ZMIZ1: variants seen among roughly 807,000 people sequenced by gnomAD.
ZMIZ1 encodes the protein zinc finger MIZ-type containing 1, also known as zinc finger MIZ domain-containing protein 1.
A neutral mutation model predicts 113.9 loss-of-function variants in ZMIZ1; 17 were observed. The observed-to-expected ratio is 0.15, with a 90% CI of 0.10 to 0.22. ZMIZ1 has a LOEUF of 0.22. Ranked by LOEUF, ZMIZ1 falls within the 10% of genes least tolerant of loss-of-function variation. ZMIZ1 has a pLI of 1.00. For missense variants in ZMIZ1, 1,059 were observed against 1,477.8 expected (o/e 0.72, Z 4.65); for synonymous variants, 607 against 603.1 (o/e 1.01, Z -0.09).
chr10:79,209,669 T>A (rs967942962), intron 6 of ZMIZ1, among the ~76,000 whole-genome samples: 10 of 152,232 alleles, frequency 6.6e-5, no homozygotes, highest in Non-Finnish European at 1.5e-4. Context: ...GCAACACGGC[T>A]ATCGTGACAA....
In ZMIZ1 at chr10:79,303,162, C is replaced by T. The variant is rs1268367539; in HGVS notation, c.2126-853C>T. 2.7e-5 allele frequency among the ~76,000 whole-genome samples: 4 copies of T among 150,370 alleles called. No homozygotes were observed. In the East Asian group the frequency reaches 6.3e-4, roughly 24 times the overall value. Reference sequence around the variant, plus strand: ...GGCGCGAGCCACCACACCTGGCCAGCTTATGCTTAAACTCAGGAGAGGACT... The same window carrying T: ...GGCGCGAGCCACCACACCTGGCCAGTTTATGCTTAAACTCAGGAGAGGACT... On this transcript the variant is annotated intron_variant, in intron 18 of 24. Coordinates refer to ENST00000334512, the MANE Select transcript of ZMIZ1 (RefSeq NM_020338.4).
intron 7 of ZMIZ1, 62 bp from the exon 8 acceptor site, chr10:79,277,119 G>C (rs191772178): frequency 2.8e-6 from 4 of 1,447,346 alleles, no homozygotes; most frequent in East Asian, 2.7e-5. Context: ...AGTTGGGGGG[G>C]GGTCTTGGTG....
chr10:79,296,617 C>T lies in ZMIZ1; in HGVS notation c.1377C>T (p.Tyr459=), dbSNP rs763938603. ...CCAGCCAGCCGAGCTCCGGGCAGTA[C>T]CCGCCCCCCACGGTCAACATGGGGC... ...RMPSQPSSGQ[Y]PPPTVNMGQY... The change falls in exon 13 of 25, where the codon TAC becomes TAT. Residue 459 remains tyrosine, a synonymous_variant. Coordinates refer to ENST00000334512, the MANE Select transcript of ZMIZ1 (RefSeq NM_020338.4). This position sits in a 1 kb window ranked among gnomAD's most constrained non-coding sequence, Gnocchi z 4.1. 3.8e-5 allele frequency: 61 copies of T among 1,597,384 alleles called. No homozygotes were observed. Among genetic ancestry groups the T allele is most frequent in the Non-Finnish European group, 1.3e-5 (15 of 1,170,994 alleles).
intron 7 of ZMIZ1, chr10:79,243,664 C>A: frequency 3.3e-6 from 1 of 300,872 alleles, no homozygotes; most frequent in Admixed American, 5.0e-5. Context: ...CGGAGTCGCT[C>A]GCCGCGGCCG....
intron 7 of ZMIZ1, among the ~76,000 whole-genome samples, chr10:79,269,456 AACACACACACACACACAC>A (rs55634343): frequency 7.2e-6 from 1 of 138,470 alleles, no homozygotes; most frequent in Non-Finnish European, 1.6e-5. Context: ...ACCTCCCCCC[AACACACACACACACACAC>A]ACACACACAC....
intron 3 of ZMIZ1, among the ~76,000 whole-genome samples, chr10:79,149,482 G>A (rs527236686): frequency 6.6e-6 from 1 of 152,314 alleles, no homozygotes; most frequent in African/African-American, 2.4e-5. Flanking sequence ...CAGTTCCTGA[G>A]GCCACAGGGA....
At position 79,275,888 on chromosome 10, in the gene ZMIZ1, GA is replaced by G. The variant is rs930330993; in HGVS notation, c.281-1284del. Among the ~76,000 whole-genome samples, 72 of 151,564 alleles carry G rather than the reference GA, an allele frequency of 4.8e-4. 1 individual carries two copies. Among genetic ancestry groups the G allele is most frequent in the Non-Finnish European group, 7.7e-4 (52 of 67,798 alleles). On this transcript the variant is annotated intron_variant, in intron 7 of 24. Coordinates refer to ENST00000334512, the MANE Select transcript of ZMIZ1 (RefSeq NM_020338.4). ...AGCTAATGATGTCCTAGATGGTCAA[GA>G]AAAAAAAAGGATGCAGAAGCACGTT...
chr10:79,114,471 G>A (rs1400259864), intron 1 of ZMIZ1, among the ~76,000 whole-genome samples: 1 of 93,742 alleles, frequency 1.1e-5, no homozygotes, highest in African/African-American at 3.6e-5. Context: ...GTATGTGTGT[G>A]TGTGTCTGTG....
At chr10:79,289,070 G>A (rs896002427) in intron 8 of ZMIZ1, among the ~76,000 whole-genome samples, 7 of 152,144 alleles carry the variant, frequency 4.6e-5, no homozygotes, top group Non-Finnish European at 8.8e-5. Context: ...GTGTGTGTTT[G>A]GACTCTGCCT....
At chr10:79,247,338 G>A (rs774124495) in intron 7 of ZMIZ1, among the ~76,000 whole-genome samples, 8 of 152,156 alleles carry the variant, frequency 5.3e-5, no homozygotes, top group East Asian at 1.9e-4. Flanking sequence ...TGAGTCCCTC[G>A]GGGAAGCTCA....
intron 1 of ZMIZ1, among the ~76,000 whole-genome samples, chr10:79,079,308 G>A (rs1293910352): frequency 3.3e-5 from 5 of 152,244 alleles, no homozygotes; most frequent in Non-Finnish European, 5.9e-5. Context: ...CAGAACCTGT[G>A]GTCAAGCCTT....
At chr10:79,076,611 G>A (rs574749840) in intron 1 of ZMIZ1, among the ~76,000 whole-genome samples, 1 of 152,292 alleles carries the variant, frequency 6.6e-6, no homozygotes, top group African/African-American at 2.4e-5. Flanking sequence ...CTAGGCAGGT[G>A]GATCATGAGG....
At chr10:79,307,250 A>G (rs1411630502) in intron 22 of ZMIZ1, among the ~76,000 whole-genome samples, 155 bp from the exon 23 acceptor site, 4 of 152,070 alleles carry the variant, frequency 2.6e-5, no homozygotes, top group Non-Finnish European at 4.4e-5. Context: ...TGGCTGCTCT[A>G]TCCTACAGCC....
At chr10:79,111,156 C>A (rs1843723057) in intron 1 of ZMIZ1, among the ~76,000 whole-genome samples, 1 of 152,158 alleles carries the variant, frequency 6.6e-6, no homozygotes, top group Admixed American at 6.5e-5. Flanking sequence ...CTGTTAGGGT[C>A]CAGTAGAGGA....
chr10:79,174,457 G>C (rs1163986634), intron 4 of ZMIZ1, among the ~76,000 whole-genome samples: 2 of 152,234 alleles, frequency 1.3e-5, no homozygotes, highest in African/African-American at 4.8e-5. Flanking sequence ...GGGCAGTGGG[G>C]AGCCGGTGAG....
chr10:79,070,713 C>G (rs1042845307), intron 1 of ZMIZ1, among the ~76,000 whole-genome samples: 3 of 152,054 alleles, frequency 2.0e-5, no homozygotes, highest in African/African-American at 4.8e-5. Context: ...CTTGCCTGAC[C>G]GGGGAGGCCT....
At chr10:79,104,950 G>GGTGTGTGTGTGT (rs58453718) in intron 1 of ZMIZ1, among the ~76,000 whole-genome samples, 31 of 140,188 alleles carry the variant, frequency 2.2e-4, no homozygotes, top group African/African-American at 5.3e-4. Context: ...GTTGTTGTGG[G>GGTGTGTGTGTGT]GTGTGTGTGT....
At chr10:79,130,482 G>A (rs1000561263) in intron 2 of ZMIZ1, among the ~76,000 whole-genome samples, 10 of 152,334 alleles carry the variant, frequency 6.6e-5, no homozygotes, top group East Asian at 1.9e-4. Flanking sequence ...TGCCCCTGCC[G>A]TGCCCTTCTC....
chr10:79,171,955 G>A (rs1424630520), intron 4 of ZMIZ1, among the ~76,000 whole-genome samples: 3 of 152,192 alleles, frequency 2.0e-5, no homozygotes, highest in Admixed American at 6.5e-5. Flanking sequence ...TGAATGACCA[G>A]CACAGAGCAC....
Sources: gnomAD v4.1 joint callset for allele counts (sites outside exome capture counted in the v4.1 genomes callset) on GRCh38, gnomAD v4.1.1 for gene constraint, Gnocchi (gnomAD v3.1) non-coding constraint, MANE v1.5 for transcripts, NCBI Gene and HGNC (gene_info 2026-07-23, HGNC 2026-07-21) for gene names.